Variants in STXBP5L observed in about 807,000 individuals in gnomAD.
The protein encoded by STXBP5L is syntaxin binding protein 5L.
Under a neutral mutation model 144.5 loss-of-function variants are expected in STXBP5L, and 65 were observed. The observed-to-expected ratio is 0.45, with a 90% CI of 0.37 to 0.55. The LOEUF (loss-of-function observed/expected upper bound fraction) is 0.55, where lower values mean the gene tolerates loss of function less well. STXBP5L is among the 20% of genes least tolerant of loss of function. The pLI is 0.00. For synonymous variants in STXBP5L, 505 were observed against 469.6 expected (o/e 1.08, Z -0.97); for missense variants, 1,298 against 1,405.5 (o/e 0.92, Z 1.22).
At chr3:120,977,003 G>GA (rs1333227191) in intron 3 of STXBP5L, among the ~76,000 whole-genome samples, 1 of 152,110 alleles carries the variant, frequency 6.6e-6, no homozygotes, top group Non-Finnish European at 1.5e-5. Flanking sequence ...GTGTGGTGCT[G>GA]AAAAATATGT....
chr3:121,072,455 C>A (rs559203083), intron 5 of STXBP5L, among the ~76,000 whole-genome samples: 34 of 152,340 alleles, frequency 2.2e-4, no homozygotes, highest in African/African-American at 7.7e-4. Flanking sequence ...GTTTCTAATG[C>A]AGTTTTTCCC....
chr3:121,212,714 T>C (rs965371977), intron 10 of STXBP5L, among the ~76,000 whole-genome samples: 12 of 152,228 alleles, frequency 7.9e-5, no homozygotes, highest in African/African-American at 2.4e-4. Flanking sequence ...TTTGCTTCCA[T>C]ATGAAATTTA....
intron 20 of STXBP5L, among the ~76,000 whole-genome samples, chr3:121,369,366 C>A (rs941799542): frequency 2.0e-5 from 3 of 151,174 alleles, no homozygotes; most frequent in Non-Finnish European, 2.9e-5. Flanking sequence ...TGGTTTCTAT[C>A]CCTTTGTTGA....
chr3:121,021,492 C>G (rs147657270), intron 3 of STXBP5L, among the ~76,000 whole-genome samples: 14 of 152,156 alleles, frequency 9.2e-5, no homozygotes, highest in Non-Finnish European at 1.9e-4. Context: ...ATGGAACATT[C>G]TCCAAGAAAG....
chr3:120,993,008 T>G (rs1424487998), intron 3 of STXBP5L, among the ~76,000 whole-genome samples: 2 of 152,182 alleles, frequency 1.3e-5, no homozygotes, highest in Admixed American at 6.6e-5. Flanking sequence ...TGGAGTAAGA[T>G]GATATCTCAT....
intron 3 of STXBP5L, among the ~76,000 whole-genome samples, chr3:121,011,497 G>A (rs767886417): frequency 6.6e-5 from 10 of 151,542 alleles, no homozygotes; most frequent in African/African-American, 9.7e-5. Context: ...ATACTAGTGC[G>A]CCACTATCAG....
intron 5 of STXBP5L, among the ~76,000 whole-genome samples, chr3:121,106,179 C>T (rs1384338696): frequency 2.6e-5 from 4 of 151,930 alleles, no homozygotes; most frequent in African/African-American, 9.7e-5. Context: ...CTTGTTTTGT[C>T]TCTCCTGTTA....
chr3:121,191,338 G>T (rs1435648974), intron 9 of STXBP5L, among the ~76,000 whole-genome samples: 2 of 152,202 alleles, frequency 1.3e-5, no homozygotes, highest in African/African-American at 2.4e-5. Flanking sequence ...AGGAGCTGGA[G>T]ACCAGCCCGG....
intron 9 of STXBP5L, among the ~76,000 whole-genome samples, chr3:121,160,949 A>C (rs2046302682): frequency 6.6e-6 from 1 of 152,086 alleles, no homozygotes; most frequent in Admixed American, 6.5e-5. Context: ...CTTCACATAA[A>C]ATTTGCAAAT....
intron 3 of STXBP5L, among the ~76,000 whole-genome samples, chr3:121,012,714 T>A (rs973600144): frequency 6.6e-6 from 1 of 151,832 alleles, no homozygotes; most frequent in Admixed American, 6.6e-5. Context: ...AGGGGATACA[T>A]GTGCATGTGC....
intron 7 of STXBP5L, among the ~76,000 whole-genome samples, chr3:121,130,009 A>T (rs1348400296): frequency 1.3e-5 from 2 of 152,124 alleles, no homozygotes; most frequent in Non-Finnish European, 2.9e-5. Context: ...GATTTGAATC[A>T]TAGTTTATAA....
chr3:121,146,897 C>T (rs1462845764), intron 7 of STXBP5L, among the ~76,000 whole-genome samples: 2 of 151,978 alleles, frequency 1.3e-5, no homozygotes, highest in Non-Finnish European at 2.9e-5. Flanking sequence ...ATTGTGTTTT[C>T]ATTTTGCATG....
chr3:121,400,691 C>T (rs2108730602), intron 22 of STXBP5L, among the ~76,000 whole-genome samples: 1 of 152,296 alleles, frequency 6.6e-6, no homozygotes, highest in South Asian at 2.1e-4. Context: ...GAGATATCCC[C>T]ATACCTAAGA....
intron 22 of STXBP5L, among the ~76,000 whole-genome samples, chr3:121,392,202 C>T (rs2046606161): frequency 6.6e-6 from 1 of 152,150 alleles, no homozygotes; most frequent in African/African-American, 2.4e-5. Context: ...ATGGGACCTG[C>T]CAAGCCAGGC....
At chr3:121,380,956 T>C (rs2046309065) in intron 21 of STXBP5L, among the ~76,000 whole-genome samples, 1 of 152,106 alleles carries the variant, frequency 6.6e-6, no homozygotes, top group Non-Finnish European at 1.5e-5. Context: ...TGTCAGAAAT[T>C]CTTGTAACCA....
intron 20 of STXBP5L, among the ~76,000 whole-genome samples, chr3:121,374,232 C>T (rs192022908): frequency 1.2e-4 from 18 of 152,322 alleles, no homozygotes; most frequent in East Asian, 5.8e-4. Flanking sequence ...ATGGAGACTA[C>T]GCTATGGTGC....
intron 3 of STXBP5L, among the ~76,000 whole-genome samples, chr3:120,960,766 G>A (rs1938685108): frequency 6.6e-6 from 1 of 152,052 alleles, no homozygotes; most frequent in Non-Finnish European, 1.5e-5. Context: ...GTTGTGGGGT[G>A]GGGGCAGGGG....
rs112485589 is a variant in STXBP5L, at chr3:121,061,910, G to C, written c.470+16375G>C. Among the ~76,000 whole-genome samples, 1,022 of 146,914 alleles carry C rather than the reference G, an allele frequency of 7.0e-3. 6 individuals carry two copies. Among genetic ancestry groups the C allele is most frequent in the South Asian group, 0.013 (62 of 4,674 alleles). On this transcript the variant is annotated intron_variant, in intron 5 of 26. Coordinates refer to ENST00000471454, the MANE Select transcript of STXBP5L (RefSeq NM_001308330.2). ...TGAATACAACACTCTGATGTGTCTTGACTATCCAGTTTGCCAGTCTGTGTC... is the reference window on the plus strand; with the variant it reads ...TGAATACAACACTCTGATGTGTCTTCACTATCCAGTTTGCCAGTCTGTGTC...
At chr3:121,045,148 T>C (rs1947425144) in intron 4 of STXBP5L, among the ~76,000 whole-genome samples, 2 of 152,076 alleles carry the variant, frequency 1.3e-5, no homozygotes, top group Admixed American at 1.3e-4. Flanking sequence ...AAGAAAAACC[T>C]TTAATGGCCA....
Sources: allele counts gnomAD v4.1 joint callset (sites outside exome capture counted in the v4.1 genomes callset), GRCh38; gene constraint gnomAD v4.1.1; transcripts MANE v1.5; gene names NCBI Gene and HGNC (gene_info 2026-07-23, HGNC 2026-07-21).